The following COMP variants were observed in gnomAD, a reference collection of about 807,000 sequenced individuals.
COMP encodes cartilage oligomeric matrix protein (pseudoachondroplasia, epiphyseal dysplasia 1, multiple).
COMP carries 79 observed loss-of-function variants against 95.8 expected under a neutral mutation model. That is an observed-to-expected ratio of 0.82 (90% CI 0.69 to 0.99). The LOEUF is 0.99. Ranked by LOEUF, COMP falls within the 50% of genes least tolerant of loss-of-function variation. The probability of loss-of-function intolerance (pLI) is 0.00; values close to 1 mark genes in which losing one functional copy is unlikely to be tolerated. For missense variants in COMP, 906 were observed against 1,076.1 expected (o/e 0.84, Z 2.21); for synonymous variants, 438 against 433.9 (o/e 1.01, Z -0.12).
chr19:18,787,084 A>G, intron 10 of COMP: 1 of 367,140 alleles, frequency 2.7e-6, no homozygotes, highest in Non-Finnish European at 5.1e-6. Flanking sequence ...AGGAACTTTA[A>G]GAATGAATGG....
chr19:18,785,886 C>T (rs2055162678), intron 13 of COMP, 35 bp from the exon 14 acceptor site: 3 of 1,607,428 alleles, frequency 1.9e-6, no homozygotes, highest in Non-Finnish European at 2.5e-6. Flanking sequence ...GGGCTAAAGT[C>T]AGGGCCCGCC....
intron 11 of COMP, 77 bp downstream of exon 11, chr19:18,786,455 G>A: frequency 6.5e-7 from 1 of 1,530,534 alleles, no homozygotes; most frequent in Non-Finnish European, 9.1e-7. Flanking sequence ...AATGCTCTAA[G>A]CTGGGCTGTG....
intron 10 of COMP, 66 bp from the exon 11 acceptor site, chr19:18,786,716 A>C (rs572888351): frequency 3.0e-6 from 3 of 1,000,444 alleles, no homozygotes; most frequent in Non-Finnish European, 2.9e-6. Context: ...CATTAGGATG[A>C]GGCCAGCCTG....
chr19:18,785,551 T>G lies in COMP; in HGVS notation c.1669-5A>C. On this transcript the variant is annotated splice_polypyrimidine_tract_variant and splice_region_variant and intron_variant, in intron 14 of 18. Transcript: ENST00000222271. ...TGTCTGCACGATCTCCCTTCCCTGA[T>G]GGGGTCAAAGAAAGGAGGGCCTCAG... The G allele has an allele frequency of 1.2e-6, 2 of 1,614,044 alleles. No individual in the cohort carries two copies. The highest frequency in any genetic ancestry group is 1.7e-6 in the Non-Finnish European group (2 of 1,180,028).
Position 18,784,176 on chromosome 19 carries a change from G to A in COMP, c.2087+15C>T. On this transcript the variant is annotated intron_variant, in intron 17 of 18. Coordinates refer to ENST00000222271, the MANE Select transcript of COMP (RefSeq NM_000095.3). This position sits in a 1 kb window ranked among gnomAD's most constrained non-coding sequence, Gnocchi z 4.9. ...TGTCCCCAGCCCAGCCCACCACAGAGGGTGGAGTCCCCACCTGATGTAGCC... is the reference window on the plus strand; with the variant it reads ...TGTCCCCAGCCCAGCCCACCACAGAAGGTGGAGTCCCCACCTGATGTAGCC... 2 of 1,612,818 alleles carry A rather than the reference G, an allele frequency of 1.2e-6. No homozygotes were observed. Among genetic ancestry groups the A allele is most frequent in the African/African-American group, 1.3e-5 (1 of 75,030 alleles).
In COMP at chr19:18,785,665, G is replaced by A; in HGVS notation, c.1668+8C>T. 2 of 1,613,242 alleles carry A rather than the reference G, an allele frequency of 1.2e-6. No homozygotes were observed. The highest frequency in any genetic ancestry group is 1.7e-6 in the Non-Finnish European group (2 of 1,179,986). On this transcript the variant is annotated splice_region_variant and intron_variant, in intron 14 of 18. Coordinates refer to ENST00000222271, the MANE Select transcript of COMP (RefSeq NM_000095.3). The stretch of plus-strand genomic sequence containing the variant: ...TCCCATCACCCCCCACGTGGACCCC[G>A]CTCCCACCTGGTTGAGCACCACCCA...
In COMP at chr19:18,788,564, G is replaced by T; in HGVS notation, c.762+28C>A. On this transcript the variant is annotated intron_variant, in intron 7 of 18. Coordinates refer to ENST00000222271, the MANE Select transcript of COMP (RefSeq NM_000095.3). The surrounding 1 kb of genome is among the most constrained non-coding windows in gnomAD (Gnocchi z 4.7). ...CCTGGAGTGGCCGCCACCCAACCCC[G>T]CCTCAAGCCCAGCCCGCCCGCACTC... 6.4e-7 allele frequency: 1 copy of T among 1,558,602 alleles called. No individual in the cohort carries two copies.
Position 18,786,090 on chromosome 19 carries a change from G to T in COMP, c.1364C>A (p.Ala455Asp). The T allele has an allele frequency of 6.2e-7, 1 of 1,614,106 alleles. No homozygotes were observed. The highest frequency in any genetic ancestry group is 1.1e-5 in the South Asian group (1 of 91,082). ...GCCATCGTGGTCTGAGTCCTCCTGG[G>T]CACTGTTAGGCACCGTGGGACAGTT... ...RDNCPTVPNS[A>D]QEDSDHDGQG... Residue 455 changes from alanine to aspartate, a missense_variant, in exon 13 of 19, where the codon GCC becomes GAC. By Grantham distance (126) the Ala-to-Asp change is moderately radical. Coordinates refer to ENST00000222271, the MANE Select transcript of COMP (RefSeq NM_000095.3).
At position 18,788,515 on chromosome 19, in the gene COMP, C is replaced by T; in HGVS notation, c.763-1G>A. 1 of 1,599,490 alleles carries T rather than the reference C, an allele frequency of 6.3e-7. No homozygotes were observed. Among genetic ancestry groups the T allele is most frequent in the Non-Finnish European group, 8.5e-7 (1 of 1,173,668 alleles). On this transcript the variant is annotated splice_acceptor_variant, in intron 7 of 18. Coordinates refer to ENST00000222271, the MANE Select transcript of COMP (RefSeq NM_000095.3). LOFTEE classifies it high-confidence loss of function. This position sits in a 1 kb window ranked among gnomAD's most constrained non-coding sequence, Gnocchi z 4.7. Reference sequence around the variant, plus strand: ...CGTTGCCGGCCCAGCCAACGGCACACTGTGGGAGAGTGTAAGTGGGTGCCC... The same window carrying T: ...CGTTGCCGGCCCAGCCAACGGCACATTGTGGGAGAGTGTAAGTGGGTGCCC...
Position 18,790,876 on chromosome 19 carries a change from C to A in COMP, c.139G>T (p.Asp47Tyr). The change falls in exon 2 of 19, where the codon GAC (aspartate) becomes TAC (tyrosine). Residue 47 changes from aspartate to tyrosine, a missense_variant. Physicochemically the swap from Asp to Tyr is radical, Grantham distance 160. Transcript: ENST00000222271. ...ELQETNAALQDVRELLRQQVR... is the reference protein window; with the variant it reads ...ELQETNAALQYVRELLRQQVR... Reference sequence around the variant, plus strand: ...TGCTGCCGCAGCAGCTCCCGCACGTCCTGCAGCGCCGCGTTGGTTTCCTGC... The same window carrying A: ...TGCTGCCGCAGCAGCTCCCGCACGTACTGCAGCGCCGCGTTGGTTTCCTGC... 2 of 1,568,686 alleles carry A rather than the reference C, an allele frequency of 1.3e-6. No individual in the cohort carries two copies. The highest frequency in any genetic ancestry group is 1.7e-6 in the Non-Finnish European group (2 of 1,158,498).
chr19:18,790,743 C>T, intron 2 of COMP, 107 bp downstream of exon 2: 1 of 1,606,586 alleles, frequency 6.2e-7, no homozygotes, highest in Non-Finnish European at 8.5e-7. Context: ...GACCCCCTTC[C>T]CTCCCCATCT....
Position 18,788,456 on chromosome 19 carries a change from C to T in COMP, c.821G>A (p.Gly274Asp). The change falls in exon 8 of 19, where the codon GGC (glycine) becomes GAC (aspartate). Residue 274 changes from glycine to aspartate, a missense_variant. By Grantham distance (94) the Gly-to-Asp change is moderately conservative. Transcript: ENST00000222271. The surrounding 1 kb of genome is among the most constrained non-coding windows in gnomAD (Gnocchi z 4.7). The part of the protein sequence containing the change: ...ILCGRDTDLD[G>D]FPDEKLRCPE... ...GCAGCGCAGCTTCTCGTCCGGGAAGCCGTCTAGGTCAGTGTCGCGACCACA... is the reference window on the plus strand; with the variant it reads ...GCAGCGCAGCTTCTCGTCCGGGAAGTCGTCTAGGTCAGTGTCGCGACCACA... The T allele has an allele frequency of 6.2e-7, 1 of 1,611,040 alleles. No homozygotes were observed. The highest frequency in any genetic ancestry group is 1.1e-5 in the South Asian group (1 of 90,904).
Position 18,787,585 on chromosome 19 carries a change from C to T in COMP, c.1041G>A (p.Ala347=). The change falls in exon 10 of 19, where the codon GCG becomes GCA. Residue 347 remains alanine, a synonymous_variant. Transcript: ENST00000222271. The part of the protein sequence containing the change: ...RNTDEDKWGD[A]CDNCRSQKND... ...TCTTCTGGGACCGGCAGTTGTCGCA[C>T]GCATCGCCCCACTTGTCCTCGTCCG... is the stretch of plus-strand genomic sequence containing the variant. The T allele has an allele frequency of 1.2e-6, 2 of 1,614,090 alleles. No homozygotes were observed. Among genetic ancestry groups the T allele is most frequent in the Non-Finnish European group, 1.7e-6 (2 of 1,180,038 alleles).
Position 18,784,299 on chromosome 19 carries a change from G to T in COMP, c.1979C>A (p.Thr660Lys). Reference protein sequence around the residue: ...LRNALWHTGDTESQVRLLWKD... With the variant: ...LRNALWHTGDKESQVRLLWKD... ...CCACAGCAGCCGCACCTGGGACTCT[G>T]TGTCTCCTGTATGCCACAGAGCGTT... Residue 660 changes from threonine to lysine, a missense_variant, in exon 17 of 19, where the codon ACA becomes AAA. Thr to Lys is a moderately conservative substitution (Grantham distance 78). Transcript: ENST00000222271. This position sits in a 1 kb window ranked among gnomAD's most constrained non-coding sequence, Gnocchi z 4.9. The T allele has an allele frequency of 6.2e-7, 1 of 1,614,120 alleles. No homozygotes were observed. Among genetic ancestry groups the T allele is most frequent in the Non-Finnish European group, 8.5e-7 (1 of 1,180,024 alleles).
At chr19:18,783,919 T>TG (rs2055145395) in intron 17 of COMP, among the ~76,000 whole-genome samples, 1 of 152,160 alleles carries the variant, frequency 6.6e-6, no homozygotes, top group Non-Finnish European at 1.5e-5. Context: ...CTAATTTTTT[T>TG]CTTTTTTGTA....
chr19:18,784,474 T>C lies in COMP; in HGVS notation c.1915-111A>G. 7.8e-7 allele frequency: 1 copy of C among 1,289,782 alleles called. No individual in the cohort carries two copies. The highest frequency in any genetic ancestry group is 1.1e-6 in the Non-Finnish European group (1 of 908,064). The allele number at this position is 1,289,782 out of a possible 1,614,324, so 79.9% of individuals were successfully genotyped here. A position where few individuals can be genotyped will look rare whatever the true frequency, so the allele number is the denominator to read the frequency against. On this transcript the variant is annotated intron_variant, in intron 16 of 18. Coordinates refer to ENST00000222271, the MANE Select transcript of COMP (RefSeq NM_000095.3). This position sits in a 1 kb window ranked among gnomAD's most constrained non-coding sequence, Gnocchi z 4.9. ...AGCAGGTGGTGGGCGGCCAGGGGGA[T>C]CCGGATGAGAGACCCACAAGGAAGC...
rs944794171 is a variant in COMP at position 18,789,008 on chromosome 19, CATCCTGCCCCAAACCG to C, written c.529-111_529-96del. 4.8e-5 allele frequency: 74 copies of C among 1,549,598 alleles called. No individual in the cohort carries two copies. The highest frequency in any genetic ancestry group is 6.0e-5 in the Non-Finnish European group (68 of 1,137,950). ...TCCTCCGCATCCTGCCTCTCCCCTC[CATCCTGCCCCAAACCG>C]ATCAGCCCTGGCGCAGCGGACCCCT... On this transcript the variant is annotated intron_variant, in intron 5 of 18. Coordinates refer to ENST00000222271, the MANE Select transcript of COMP (RefSeq NM_000095.3). The surrounding 1 kb of genome is among the most constrained non-coding windows in gnomAD (Gnocchi z 6.1).
chr19:18,790,181 T>C (rs1472241643), intron 3 of COMP, 67 bp from the exon 4 acceptor site: 1 of 1,253,952 alleles, frequency 8.0e-7, no homozygotes, highest in African/African-American at 1.5e-5. Context: ...GAGCCTATCA[T>C]GGCCACGCCC....
Sources: allele counts gnomAD v4.1 joint callset (sites outside exome capture counted in the v4.1 genomes callset), GRCh38; gene constraint gnomAD v4.1.1; non-coding constraint Gnocchi (gnomAD v3.1); transcripts MANE v1.5; gene names NCBI Gene and HGNC (gene_info 2026-07-23, HGNC 2026-07-21).